Variants in CDH4 observed in about 807,000 individuals in gnomAD.
CDH4 encodes the protein cadherin 4.
Under a neutral mutation model 86.0 loss-of-function variants are expected in CDH4, and 33 were observed. The ratio of observed to expected loss-of-function variants is 0.38; its 90% CI spans 0.29 to 0.51. The LOEUF is 0.51. Among genes scored for constraint, CDH4 ranks in the 20% least tolerant of loss-of-function variants. CDH4 has a pLI of 0.86. For synonymous variants in CDH4, 555 were observed against 549.4 expected (o/e 1.01, Z -0.14); for missense variants, 1,114 against 1,307.4 (o/e 0.85, Z 2.28).
At chr20:61,762,045 G>A (rs2088640325) in intron 3 of CDH4, among the ~76,000 whole-genome samples, 1 of 152,260 alleles carries the variant, frequency 6.6e-6, no homozygotes, top group Non-Finnish European at 1.5e-5. Flanking sequence ...GGCCACCCCA[G>A]GGCCCACCTG....
rs1417844069 is a variant in CDH4 at position 61,708,627 on chromosome 20, C to G, written c.170-34936C>G. Among the ~76,000 whole-genome samples the G allele has an allele frequency of 6.6e-6, 1 of 152,170 alleles. No individual in the cohort carries two copies. The highest frequency in any genetic ancestry group is 1.5e-5 in the Non-Finnish European group (1 of 68,038). ...GTAGACCCTCTCCACCCTCCTGTGC[C>G]TGGAGCCCCTCCCAGACGTTTGCAC... On this transcript the variant is annotated intron_variant, in intron 2 of 15. Transcript: ENST00000614565. The surrounding 1 kb of genome is among the most constrained non-coding windows in gnomAD (Gnocchi z 4.5).
At chr20:61,425,322 G>C (rs2085206268) in intron 2 of CDH4, among the ~76,000 whole-genome samples, 1 of 152,022 alleles carries the variant, frequency 6.6e-6, no homozygotes. Flanking sequence ...TGAACCTGGA[G>C]CCACCCTCGA....
intron 2 of CDH4, among the ~76,000 whole-genome samples, chr20:61,472,287 C>G (rs566564297): frequency 3.7e-4 from 56 of 152,274 alleles, no homozygotes; most frequent in Admixed American, 1.5e-3. Flanking sequence ...TACTTTTTGT[C>G]TTGAAATCTA....
intron 2 of CDH4, among the ~76,000 whole-genome samples, chr20:61,474,327 ATT>A (rs1170158714): frequency 3.2e-4 from 40 of 124,336 alleles, no homozygotes; most frequent in Admixed American, 1.5e-3. Flanking sequence ...CACCCAGCTA[ATT>A]TTTTTTTTTT....
intron 4 of CDH4, among the ~76,000 whole-genome samples, chr20:61,804,394 A>G (rs6061361): frequency 0.45 from 68,850 of 151,904 alleles, 16,641 homozygotes; most frequent in African/African-American, 0.61. Flanking sequence ...CTGTCTGACC[A>G]CCCCTCTCCG....
At chr20:61,283,540 C>T (rs892316695) in intron 2 of CDH4, among the ~76,000 whole-genome samples, 1 of 134,110 alleles carries the variant, frequency 7.5e-6, no homozygotes, top group African/African-American at 2.8e-5. Context: ...TGCATTTACA[C>T]GCGTGTGCTG....
chr20:61,473,769 A>G (rs915319178), intron 2 of CDH4, among the ~76,000 whole-genome samples: 1 of 152,126 alleles, frequency 6.6e-6, no homozygotes, highest in Non-Finnish European at 1.5e-5. Context: ...ACACAGACAC[A>G]CAAAGACACA....
chr20:61,537,271 G>C (rs536530849), intron 2 of CDH4, among the ~76,000 whole-genome samples: 1 of 125,996 alleles, frequency 7.9e-6, no homozygotes, highest in South Asian at 2.1e-4. Flanking sequence ...TCTAATATTT[G>C]AAATCCGACA....
intron 2 of CDH4, among the ~76,000 whole-genome samples, chr20:61,258,190 C>T (rs1036156478): frequency 3.2e-4 from 48 of 151,752 alleles, no homozygotes; most frequent in Non-Finnish European, 4.7e-4. Context: ...ATTAGCCGGG[C>T]GCGGTGGCGG....
chr20:61,294,181 C>T (rs1217192842), intron 2 of CDH4, among the ~76,000 whole-genome samples: 1 of 152,154 alleles, frequency 6.6e-6, no homozygotes, highest in Non-Finnish European at 1.5e-5. Flanking sequence ...CCTGATCCTG[C>T]CGGCATCATG....
intron 2 of CDH4, among the ~76,000 whole-genome samples, chr20:61,462,581 T>A (rs1170709053): frequency 1.3e-5 from 1 of 79,550 alleles, no homozygotes; most frequent in East Asian, 3.0e-4. Flanking sequence ...GCTTGTGCAT[T>A]GCTCCTGAGC....
At chr20:61,354,385 T>C (rs889282851) in intron 2 of CDH4, among the ~76,000 whole-genome samples, 4 of 152,222 alleles carry the variant, frequency 2.6e-5, no homozygotes, top group Non-Finnish European at 5.9e-5. Flanking sequence ...AACCACGGTT[T>C]CCTGACAAGG....
chr20:61,467,485 G>A (rs1279407236), intron 2 of CDH4, among the ~76,000 whole-genome samples: 2 of 152,154 alleles, frequency 1.3e-5, no homozygotes, highest in Admixed American at 6.5e-5. Context: ...CAATAGGCAT[G>A]GTGGCTTACA....
intron 2 of CDH4, among the ~76,000 whole-genome samples, chr20:61,512,885 T>C (rs2085790352): frequency 6.6e-6 from 1 of 152,258 alleles, no homozygotes; most frequent in East Asian, 1.9e-4. Context: ...GGATTTGTGA[T>C]TGAGCTTGTT....
Position 61,383,830 on chromosome 20 carries a change from AAGATAT to A in CDH4, c.169+128895_169+128900del, listed in dbSNP as rs1568823452. On this transcript the variant is annotated intron_variant, in intron 2 of 15. Coordinates refer to ENST00000614565, the MANE Select transcript of CDH4 (RefSeq NM_001794.5). Reference sequence around the variant, plus strand: ...ATGAAGATATATATGCGTATATATGAAGATATATATGCGTATATATGAAGATATATA... The same window carrying A: ...ATGAAGATATATATGCGTATATATGAATATGCGTATATATGAAGATATATA... Among the ~76,000 whole-genome samples the A allele has an allele frequency of 4.0e-4, 56 of 141,324 alleles. 2 individuals are homozygous for A. The highest frequency in any genetic ancestry group is 1.3e-3 in the South Asian group (6 of 4,558). 92.7% of individuals were successfully genotyped at this position (141,324 alleles called of 152,430 possible).
intron 15 of CDH4, among the ~76,000 whole-genome samples, chr20:61,935,160 T>G (rs370187124): frequency 6.0e-4 from 92 of 152,206 alleles, no homozygotes; most frequent in African/African-American, 2.2e-3. Context: ...GCCCCTGTGG[T>G]TTCATCACCT....
chr20:61,598,793 A>G (rs1053387973), intron 2 of CDH4, among the ~76,000 whole-genome samples: 7 of 152,256 alleles, frequency 4.6e-5, no homozygotes, highest in African/African-American at 1.7e-4. Context: ...GGCACCCCAC[A>G]TGGCGGGGTC....
chr20:61,551,077 G>C (rs1259241864), intron 2 of CDH4, among the ~76,000 whole-genome samples: 1 of 152,198 alleles, frequency 6.6e-6, no homozygotes, highest in Non-Finnish European at 1.5e-5. Context: ...ACAAAATGCA[G>C]GTAACGGGCA....
intron 13 of CDH4, among the ~76,000 whole-genome samples, chr20:61,932,024 T>C (rs2055116954): frequency 6.6e-6 from 1 of 152,040 alleles, no homozygotes; most frequent in Non-Finnish European, 1.5e-5. Flanking sequence ...GGAAGCAGGA[T>C]CCCTGGATCC....
Sources: allele counts gnomAD v4.1 joint callset (sites outside exome capture counted in the v4.1 genomes callset), GRCh38; gene constraint gnomAD v4.1.1; non-coding constraint Gnocchi (gnomAD v3.1); transcripts MANE v1.5; gene names NCBI Gene and HGNC (gene_info 2026-07-23, HGNC 2026-07-21).